Variants in AFG2A observed in about 807,000 individuals in gnomAD.
AFG2A encodes the protein AAA ATPase AFG2A, also known as ATPase family gene 2 protein homolog A.
chr4:122,938,077 TTAAAA>T, the AFG2A span: 4 of 1,474,258 alleles, frequency 2.7e-6, no homozygotes, highest in East Asian at 2.4e-5. Context: ...TAAGTAAAAC[TTAAAA>T]TCAAATATAG....
chr4:123,071,095 A>C, the AFG2A span, among the ~76,000 whole-genome samples: 1 of 152,188 alleles, frequency 6.6e-6, no homozygotes, highest in Admixed American at 6.5e-5. Context: ...TATGTTTATG[A>C]TATCAGTGCC....
At chr4:123,121,891 TA>T in the AFG2A span, among the ~76,000 whole-genome samples, 1 of 152,228 alleles carries the variant, frequency 6.6e-6, no homozygotes, top group Non-Finnish European at 1.5e-5. Context: ...TTTTAACTTA[TA>T]AAAAGATGAG....
chr4:123,086,423 C>G, the AFG2A span, among the ~76,000 whole-genome samples: 1 of 152,152 alleles, frequency 6.6e-6, no homozygotes, highest in Non-Finnish European at 1.5e-5. Flanking sequence ...AGGTGGTCCC[C>G]ACCCCTCGAC....
the AFG2A span, among the ~76,000 whole-genome samples, chr4:123,224,619 C>A: frequency 1.6e-4 from 24 of 152,086 alleles, no homozygotes; most frequent in Admixed American, 2.0e-4. Flanking sequence ...ATTGTTGGAC[C>A]TTTGGGTTGG....
At chr4:123,097,112 G>T in the AFG2A span, among the ~76,000 whole-genome samples, 1 of 151,932 alleles carries the variant, frequency 6.6e-6, no homozygotes, top group Non-Finnish European at 1.5e-5. Context: ...TAAGATTATA[G>T]GTGTGCACCA....
the AFG2A span, chr4:122,923,388 C>T: frequency 6.4e-7 from 1 of 1,559,456 alleles, no homozygotes; most frequent in Non-Finnish European, 8.7e-7. Flanking sequence ...ACTTGGGGTG[C>T]AGAGACTTTT....
the AFG2A span, among the ~76,000 whole-genome samples, chr4:122,977,305 G>A: frequency 6.6e-6 from 1 of 152,326 alleles, no homozygotes; most frequent in East Asian, 1.9e-4. Flanking sequence ...GGTGAGCCAG[G>A]CGCAGAGCAG....
the AFG2A span, among the ~76,000 whole-genome samples, chr4:123,209,880 C>T: frequency 6.6e-6 from 1 of 152,046 alleles, no homozygotes; most frequent in African/African-American, 2.4e-5. Flanking sequence ...GTCCTTTGAG[C>T]CTTCACCCCA....
chr4:123,070,104 G>GA, the AFG2A span, among the ~76,000 whole-genome samples: 1 of 152,100 alleles, frequency 6.6e-6, no homozygotes, highest in Non-Finnish European at 1.5e-5. Context: ...TGAAGCTTCT[G>GA]AAAATCTTCT....
chr4:123,261,981 G>A, the AFG2A span, among the ~76,000 whole-genome samples: 14 of 146,266 alleles, frequency 9.6e-5, no homozygotes, highest in East Asian at 2.6e-3. Flanking sequence ...TTGTCATGTT[G>A]CCCAGCCTGG....
At chr4:123,040,983 A>G in the AFG2A span, among the ~76,000 whole-genome samples, 1 of 152,126 alleles carries the variant, frequency 6.6e-6, no homozygotes, top group Non-Finnish European at 1.5e-5. Flanking sequence ...TTATGGATAC[A>G]TAATCACTTT....
chr4:123,155,068 A>G, the AFG2A span, among the ~76,000 whole-genome samples: 1 of 151,368 alleles, frequency 6.6e-6, no homozygotes, highest in African/African-American at 2.4e-5. Flanking sequence ...TTGAGTATCT[A>G]TCCCTATTTC....
the AFG2A span, among the ~76,000 whole-genome samples, chr4:123,270,539 G>C: frequency 6.6e-6 from 1 of 152,160 alleles, no homozygotes; most frequent in Non-Finnish European, 1.5e-5. Flanking sequence ...GAATTTAGGT[G>C]CATGTTGCTT....
At chr4:123,005,672 T>C in the AFG2A span, among the ~76,000 whole-genome samples, 2 of 152,220 alleles carry the variant, frequency 1.3e-5, no homozygotes, top group Admixed American at 1.3e-4. Flanking sequence ...TCACACATAT[T>C]TGATATAGTG....
the AFG2A span, among the ~76,000 whole-genome samples, chr4:123,172,065 T>C: frequency 6.6e-6 from 1 of 152,176 alleles, no homozygotes; most frequent in Non-Finnish European, 1.5e-5. Context: ...TCGTTCTTTT[T>C]GTTTGTAAAG....
the AFG2A span, among the ~76,000 whole-genome samples, chr4:123,301,615 A>G: frequency 3.5e-4 from 53 of 152,326 alleles, no homozygotes; most frequent in Non-Finnish European, 5.1e-4. Flanking sequence ...AGTGTAATAT[A>G]AATAATCCTA....
At chr4:122,968,810 C>G in the AFG2A span, among the ~76,000 whole-genome samples, 9 of 151,370 alleles carry the variant, frequency 5.9e-5, no homozygotes, top group African/African-American at 2.2e-4. Flanking sequence ...AGTTTCTTCT[C>G]GTGGGTGCTG....
chr4:123,067,792 A>AT, the AFG2A span, among the ~76,000 whole-genome samples: 20 of 151,982 alleles, frequency 1.3e-4, no homozygotes, highest in African/African-American at 4.1e-4. Flanking sequence ...GGGTAAGCAC[A>AT]TTTTTTTTCT....
chr4:123,174,065 T>C, the AFG2A span, among the ~76,000 whole-genome samples: 4 of 152,180 alleles, frequency 2.6e-5, no homozygotes, highest in African/African-American at 9.6e-5. Flanking sequence ...TTGGAAGTTA[T>C]ACATTGTCTA....
Sources: allele counts gnomAD v4.1 joint callset (sites outside exome capture counted in the v4.1 genomes callset), GRCh38; gene constraint gnomAD v4.1.1; transcripts MANE v1.5; gene names NCBI Gene and HGNC (gene_info 2026-07-23, HGNC 2026-07-21).